The following FRMPD2 variants were observed in gnomAD, a reference collection of about 807,000 sequenced individuals.
The protein encoded by FRMPD2 is FERM and PDZ domain containing 2.
Under a neutral mutation model 140.1 loss-of-function variants are expected in FRMPD2, and 96 were observed. That is an observed-to-expected ratio of 0.69 (90% confidence interval 0.58 to 0.81). The LOEUF is 0.81. FRMPD2 is among the 40% of genes least tolerant of loss of function. The probability of loss-of-function intolerance (pLI) is 0.00; values close to 1 mark genes in which losing one functional copy is unlikely to be tolerated. For missense variants in FRMPD2, 1,240 were observed against 1,447.4 expected, an observed-to-expected ratio of 0.86 and a Z score of 2.32; for synonymous variants, 449 against 547.6, an observed-to-expected ratio of 0.82 and a Z score of 2.52.
In FRMPD2 at chr10:48,196,515, G is replaced by C. The variant is rs545659476; in HGVS notation, c.1955-3621C>G. ...TCTGTTTTTGGTGACAAGTGGGGTG[G>C]GAAGAGAGGGTGCAGGCCCAGACAC... On this transcript the variant is annotated intron_variant, in intron 15 of 28. Transcript: ENST00000374201. Among the ~76,000 whole-genome samples the C allele has an allele frequency of 1.1e-4, 16 of 152,298 alleles. No homozygotes were observed. In the East Asian group the frequency reaches 2.7e-3, roughly 26 times the overall value.
chr10:48,183,409 A>G lies in FRMPD2; in HGVS notation c.2584+1157T>C, dbSNP rs573408315. 3.9e-5 allele frequency among the ~76,000 whole-genome samples: 6 copies of G among 152,304 alleles called. No homozygotes were observed. In the Middle Eastern group the frequency reaches 0.014, roughly 345 times the overall value. On this transcript the variant is annotated intron_variant, in intron 20 of 28. Coordinates refer to ENST00000374201, the MANE Select transcript of FRMPD2 (RefSeq NM_001018071.4). ...CTCAAGCTTGGTCCCGATAAAAACA[A>G]TAGTATTTTCCTTTAATATAGGCAG...
intron 24 of FRMPD2, among the ~76,000 whole-genome samples, chr10:48,173,727 C>T (rs549339266): frequency 3.9e-4 from 60 of 152,270 alleles, no homozygotes; most frequent in Admixed American, 1.1e-3. Flanking sequence ...CAGGTCTGTA[C>T]CACCTGCCCT....
In FRMPD2 at chr10:48,206,640, G is replaced by A. The variant is rs1029376385; in HGVS notation, c.1797+108C>T. On this transcript the variant is annotated intron_variant, in intron 14 of 28. Coordinates refer to ENST00000374201, the MANE Select transcript of FRMPD2 (RefSeq NM_001018071.4). The stretch of plus-strand genomic sequence containing the variant: ...TAACAAACAGACAGGCTGTGAGAAT[G>A]TTTGGTCAGGAGAAAGCCACATGAC... The A allele has an allele frequency of 6.3e-6, 5 of 792,882 alleles. No homozygotes were observed. The African/African-American group carries it at 8.6e-5, about 14-fold the overall frequency. 49.1% of individuals were successfully genotyped at this position (792,882 alleles called of 1,614,324 possible).
chr10:48,224,298 C>T (rs1316951640), intron 10 of FRMPD2, among the ~76,000 whole-genome samples: 1 of 152,188 alleles, frequency 6.6e-6, no homozygotes, highest in East Asian at 1.9e-4. Flanking sequence ...TGTTCTACCA[C>T]ACACTCAAAG....
intron 2 of FRMPD2, among the ~76,000 whole-genome samples, chr10:48,250,363 T>C (rs1470968781): frequency 6.6e-6 from 1 of 152,228 alleles, no homozygotes; most frequent in Non-Finnish European, 1.5e-5. Flanking sequence ...ACTGGGTACC[T>C]GCCCTCAGCC....
At chr10:48,272,736 C>T (rs931126822) in intron 1 of FRMPD2, among the ~76,000 whole-genome samples, 17 of 152,186 alleles carry the variant, frequency 1.1e-4, no homozygotes, top group Non-Finnish European at 1.5e-4. Flanking sequence ...AAGTGTGTCG[C>T]GTCCATAGTT....
chr10:48,215,599 T>C (rs2131890111), intron 12 of FRMPD2, among the ~76,000 whole-genome samples: 2 of 152,328 alleles, frequency 1.3e-5, no homozygotes, highest in Middle Eastern at 6.8e-3. Context: ...TGTAAACCTG[T>C]TGGCCTTTAC....
chr10:48,237,859 C>G, intron 8 of FRMPD2, 132 bp downstream of exon 8: 1 of 1,113,228 alleles, frequency 9.0e-7, no homozygotes, highest in South Asian at 1.3e-5. Context: ...TATGTTAGTC[C>G]AATCCTATAA....
intron 12 of FRMPD2, among the ~76,000 whole-genome samples, chr10:48,219,130 G>A (rs1839520310): frequency 6.6e-6 from 1 of 152,158 alleles, no homozygotes; most frequent in Non-Finnish European, 1.5e-5. Context: ...GGCATTCAAA[G>A]GCTCAGTAAC....
chr10:48,225,242 T>TG (rs1839696228), intron 10 of FRMPD2, among the ~76,000 whole-genome samples: 1 of 152,146 alleles, frequency 6.6e-6, no homozygotes, highest in Admixed American at 6.5e-5. Flanking sequence ...AATACCAAAA[T>TG]GAGGTCATTT....
chr10:48,251,528 A>G, intron 2 of FRMPD2, 38 bp downstream of exon 2: 2 of 1,609,446 alleles, frequency 1.2e-6, no homozygotes, highest in South Asian at 2.2e-5. Flanking sequence ...TTCACATACA[A>G]CTCCCTGTGA....
intron 3 of FRMPD2, among the ~76,000 whole-genome samples, chr10:48,246,814 G>C (rs903531283): frequency 6.6e-6 from 1 of 152,250 alleles, no homozygotes; most frequent in Non-Finnish European, 1.5e-5. Flanking sequence ...TGGATGAAGA[G>C]AGGAGCCTGT....
At chr10:48,223,410 C>T in intron 10 of FRMPD2, 140 bp from the exon 11 acceptor site, 1 of 681,290 alleles carries the variant, frequency 1.5e-6, no homozygotes, top group Non-Finnish European at 2.3e-6. Context: ...CTTTGCGTAC[C>T]TGGTAGCAAG....
At chr10:48,226,141 A>G (rs1022091618) in intron 10 of FRMPD2, among the ~76,000 whole-genome samples, 18 of 152,182 alleles carry the variant, frequency 1.2e-4, no homozygotes, top group Non-Finnish European at 2.2e-4. Context: ...GAACTGCCCA[A>G]GCTTGTTTTT....
chr10:48,195,803 T>A (rs1025764405), intron 15 of FRMPD2, among the ~76,000 whole-genome samples: 1 of 152,240 alleles, frequency 6.6e-6, no homozygotes, highest in Non-Finnish European at 1.5e-5. Context: ...AAAAAACATG[T>A]ATTAACCACT....
chr10:48,161,594 C>T (rs1367181197), intron 28 of FRMPD2, among the ~76,000 whole-genome samples: 2 of 151,254 alleles, frequency 1.3e-5, no homozygotes, highest in African/African-American at 4.9e-5. Context: ...ATAAGAACAG[C>T]ATAACAGCAT....
chr10:48,176,604 T>A (rs1401566889), intron 22 of FRMPD2, among the ~76,000 whole-genome samples: 11 of 152,016 alleles, frequency 7.2e-5, no homozygotes, highest in African/African-American at 2.7e-4. Context: ...AAATTAAATA[T>A]CTGCAAAGAA....
chr10:48,238,562 A>G (rs1002818379), intron 7 of FRMPD2, among the ~76,000 whole-genome samples: 2 of 152,258 alleles, frequency 1.3e-5, no homozygotes, highest in Non-Finnish European at 2.9e-5. Context: ...AAAGTTTTAA[A>G]TGGCAGGAAA....
At chr10:48,174,595 G>A (rs1224151301) in intron 24 of FRMPD2, among the ~76,000 whole-genome samples, 1 of 151,188 alleles carries the variant, frequency 6.6e-6, no homozygotes, top group African/African-American at 2.4e-5. Flanking sequence ...TCCGCTGTCT[G>A]ATTCCAGAAT....
Sources: allele counts gnomAD v4.1 joint callset (sites outside exome capture counted in the v4.1 genomes callset), GRCh38; gene constraint gnomAD v4.1.1; transcripts MANE v1.5; gene names NCBI Gene and HGNC (gene_info 2026-07-23, HGNC 2026-07-21).